ECE1: variants seen among roughly 807,000 people sequenced by gnomAD.
The protein encoded by ECE1 is endothelin converting enzyme 1.
Under a neutral mutation model 98.6 loss-of-function variants are expected in ECE1, and 35 were observed. That is an observed-to-expected ratio of 0.35 (90% confidence interval 0.27 to 0.47). The LOEUF (loss-of-function observed/expected upper bound fraction) is 0.47, where lower values mean the gene tolerates loss of function less well. Among genes scored for constraint, ECE1 ranks in the 20% least tolerant of loss-of-function variants. ECE1 has a pLI of 1.00. For synonymous variants in ECE1, 394 were observed against 407.1 expected (o/e 0.97, Z 0.39); for missense variants, 814 against 1,025.3 (o/e 0.79, Z 2.81).
chr1:21,281,317 G>A (rs2098254264), intron 2 of ECE1, among the ~76,000 whole-genome samples: 1 of 152,212 alleles, frequency 6.6e-6, no homozygotes, highest in Non-Finnish European at 1.5e-5. Context: ...TGGGAGGGAT[G>A]CCGCCCGCTC....
At chr1:21,289,406 T>A (rs1395876809) in intron 2 of ECE1, among the ~76,000 whole-genome samples, 2 of 151,398 alleles carry the variant, frequency 1.3e-5, no homozygotes, top group Admixed American at 1.3e-4. Context: ...AATGTCCTGT[T>A]ACAAGGCAGG....
rs118006773 is a variant in ECE1, at chr1:21,319,674, C to G, written c.3+25702G>C. On this transcript the variant is annotated intron_variant, in intron 1 of 18. Transcript: ENST00000415912. The surrounding 1 kb of genome is among the most constrained non-coding windows in gnomAD (Gnocchi z 4.4). ...CCCTGTCCAACTCTCCTCAGCCTCTCCTGAGACCTGGCTCCTCATTCTCGC... is the reference window on the plus strand; with the variant it reads ...CCCTGTCCAACTCTCCTCAGCCTCTGCTGAGACCTGGCTCCTCATTCTCGC... Among the ~76,000 whole-genome samples, 167 of 152,312 alleles carry G rather than the reference C, an allele frequency of 1.1e-3. 2 individuals are homozygous for G. In the East Asian group the frequency reaches 0.025, roughly 23 times the overall value.
At chr1:21,230,922 G>A (rs542948297) in intron 14 of ECE1, among the ~76,000 whole-genome samples, 3 of 152,016 alleles carry the variant, frequency 2.0e-5, no homozygotes, top group African/African-American at 7.2e-5. Context: ...TCTGCTTCCC[G>A]GGTTCAAGCG....
At chr1:21,321,435 G>A (rs527313541) in intron 1 of ECE1, among the ~76,000 whole-genome samples, 1 of 152,298 alleles carries the variant, frequency 6.6e-6, no homozygotes. Context: ...CCTGGAAGAG[G>A]GTCTGTTGGG....
chr1:21,231,378 G>A (rs180933742), intron 14 of ECE1, among the ~76,000 whole-genome samples: 2 of 152,128 alleles, frequency 1.3e-5, no homozygotes, highest in African/African-American at 4.8e-5. Flanking sequence ...GTCTCACTCT[G>A]TTGCCTAGGC....
chr1:21,300,306 C>T (rs542714569), intron 1 of ECE1, among the ~76,000 whole-genome samples: 5 of 152,316 alleles, frequency 3.3e-5, no homozygotes, highest in African/African-American at 9.6e-5. Flanking sequence ...CTGGGCAGGT[C>T]GTGTCCCTCT....
intron 4 of ECE1, among the ~76,000 whole-genome samples, chr1:21,267,415 C>T (rs905566238): frequency 6.6e-6 from 1 of 152,124 alleles, no homozygotes; most frequent in African/African-American, 2.4e-5. Context: ...ACATGGGTGG[C>T]AACAGGCAAA....
intron 13 of ECE1, among the ~76,000 whole-genome samples, chr1:21,234,421 T>A (rs897266836): frequency 6.6e-6 from 1 of 150,484 alleles, no homozygotes; most frequent in Admixed American, 6.7e-5. Flanking sequence ...TAGAAATCTA[T>A]CTGAACTGTC....
intron 3 of ECE1, among the ~76,000 whole-genome samples, chr1:21,275,220 GATTA>G (rs772147520): frequency 1.2e-4 from 19 of 152,162 alleles, no homozygotes; most frequent in Admixed American, 2.0e-4. Context: ...GAGACAGACT[GATTA>G]ATTAACTGAT....
rs370149379 is a variant in ECE1 at position 21,309,919 on chromosome 1, G to T, written c.4-19763C>A. On this transcript the variant is annotated intron_variant, in intron 1 of 18. Transcript: ENST00000415912. ...CCATTCTCCTGCCTCAGCCTCCCGA[G>T]TAGGTGGGACTACAGGCGCCCGCCA... Among the ~76,000 whole-genome samples the T allele has an allele frequency of 5.7e-3, 870 of 152,068 alleles. 8 individuals carry two copies. Among genetic ancestry groups the T allele is most frequent in the African/African-American group, 0.02 (820 of 41,480 alleles).
At chr1:21,338,636 C>T (rs1449103882) in intron 1 of ECE1, among the ~76,000 whole-genome samples, 2 of 152,212 alleles carry the variant, frequency 1.3e-5, no homozygotes, top group Non-Finnish European at 2.9e-5. Context: ...TCTGCTCCAG[C>T]CATGTCATTT....
chr1:21,236,625 G>C, intron 12 of ECE1, 121 bp downstream of exon 12: 1 of 973,508 alleles, frequency 1.0e-6, no homozygotes. Flanking sequence ...CTCCAGCCTG[G>C]GTAACAAGAA....
intron 4 of ECE1, among the ~76,000 whole-genome samples, chr1:21,261,586 T>C (rs577924947): frequency 6.6e-6 from 1 of 152,308 alleles, no homozygotes; most frequent in Admixed American, 6.5e-5. Context: ...CATACCTGTG[T>C]CCACCATTAG....
intron 1 of ECE1, among the ~76,000 whole-genome samples, chr1:21,343,033 G>A (rs183984605): frequency 1.3e-5 from 2 of 152,192 alleles, no homozygotes; most frequent in Admixed American, 6.5e-5. Flanking sequence ...AGCCTGTCCT[G>A]TGCACTCACA....
intron 10 of ECE1, among the ~76,000 whole-genome samples, chr1:21,239,188 A>G (rs898168972): frequency 3.3e-5 from 5 of 152,120 alleles, no homozygotes; most frequent in African/African-American, 1.2e-4. Flanking sequence ...AAGCCCCAAC[A>G]GTCCATACAA....
rs529417914 is a variant in ECE1 at position 21,238,857 on chromosome 1, G to A, written c.1279-613C>T. Among the ~76,000 whole-genome samples, 118 of 151,994 alleles carry A rather than the reference G, an allele frequency of 7.8e-4. 2 individuals are homozygous for A. The South Asian group carries it at 0.024, about 31-fold the overall frequency. ...TGGCAGGGTCTCGCTCTGTCACCTA[G>A]GCTGGAGTGCAGTGGTGCGATCACA... is the stretch of plus-strand genomic sequence containing the variant. On this transcript the variant is annotated intron_variant, in intron 10 of 18. Coordinates refer to ENST00000374893, the MANE Select transcript of ECE1 (RefSeq NM_001397.3).
Position 21,241,622 on chromosome 1 carries a change from C to T in ECE1, c.1278+3367G>A, listed in dbSNP as rs528437297. ...AGTTTTAGTAGAGGCGGGCTTTTGC[C>T]GTGTTGGCCAGGGTGGTCTTGAACT... is the stretch of plus-strand genomic sequence containing the variant. On this transcript the variant is annotated intron_variant, in intron 10 of 18. Coordinates refer to ENST00000374893, the MANE Select transcript of ECE1 (RefSeq NM_001397.3). 2.0e-5 allele frequency among the ~76,000 whole-genome samples: 3 copies of T among 152,040 alleles called. 1 individual carries two copies. Among genetic ancestry groups the T allele is most frequent in the Admixed American group, 6.6e-5 (1 of 15,262 alleles).
rs61781575 is a variant in ECE1, at chr1:21,327,880, T to C, written c.3+17496A>G. ...TAGATTCTCGTAGGAGCGCGAACCC[T>C]ATTGTGAACTGCACGTGCGAGGGAT... On this transcript the variant is annotated intron_variant, in intron 1 of 18. Transcript: ENST00000415912. This position sits in a 1 kb window ranked among gnomAD's most constrained non-coding sequence, Gnocchi z 4.6. 0.072 allele frequency among the ~76,000 whole-genome samples: 10,948 copies of C among 152,290 alleles called. 540 individuals carry two copies. Among genetic ancestry groups the C allele is most frequent in the Middle Eastern group, 0.11 (32 of 294 alleles).
At chr1:21,280,700 G>A (rs1050455588) in intron 2 of ECE1, among the ~76,000 whole-genome samples, 8 of 152,320 alleles carry the variant, frequency 5.3e-5, no homozygotes, top group East Asian at 1.9e-4. Flanking sequence ...GGGTGCCCCT[G>A]GTGCCGGGTC....
Sources: gnomAD v4.1 joint callset for allele counts (sites outside exome capture counted in the v4.1 genomes callset) on GRCh38, gnomAD v4.1.1 for gene constraint, Gnocchi (gnomAD v3.1) non-coding constraint, MANE v1.5 for transcripts, NCBI Gene and HGNC (gene_info 2026-07-23, HGNC 2026-07-21) for gene names.